Variants in BRAP observed in about 807,000 individuals in gnomAD.
BRAP encodes the protein BRCA1 associated protein, also known as BRCA1-associated protein.
Under a neutral mutation model 73.4 loss-of-function variants are expected in BRAP, and 42 were observed. The ratio of observed to expected loss-of-function variants is 0.57; its 90% CI spans 0.45 to 0.74. The LOEUF is 0.74. Ranked by LOEUF, BRAP falls within the 30% of genes least tolerant of loss-of-function variation. BRAP has a pLI of 0.00. For missense variants in BRAP, 593 were observed against 751.4 expected (o/e 0.79, Z 2.46); for synonymous variants, 255 against 267.4 (o/e 0.95, Z 0.45).
intron 5 of BRAP, among the ~76,000 whole-genome samples, chr12:111,671,926 T>G (rs577032572): frequency 2.7e-4 from 41 of 152,140 alleles, no homozygotes; most frequent in South Asian, 1.7e-3. Flanking sequence ...ACTCAAGCAA[T>G]CCATCACCTC....
intron 6 of BRAP, among the ~76,000 whole-genome samples, chr12:111,662,307 T>C (rs1170916510): frequency 1.3e-5 from 2 of 152,036 alleles, no homozygotes; most frequent in African/African-American, 4.8e-5. Flanking sequence ...TCCCAGCACT[T>C]TGGGAGACCT....
In BRAP at chr12:111,643,479, CATA is replaced by C. The variant is rs1885974663; in HGVS notation, c.*717_*719del. 6.6e-6 allele frequency: 1 copy of C among 152,160 alleles called. No individual in the cohort carries two copies. Among genetic ancestry groups the C allele is most frequent in the Non-Finnish European group, 1.5e-5 (1 of 68,030 alleles). The allele number at this position is 152,160 out of a possible 1,614,324, so 9.4% of individuals were successfully genotyped here. On this transcript the variant is annotated 3_prime_UTR_variant, in exon 12 of 12. Transcript: ENST00000419234. ...TTAAGCCTCCTCCTTAATTGCGGTTCATAATGATGTACGAAGTCACCAAAAATA... is the reference window on the plus strand; with the variant it reads ...TTAAGCCTCCTCCTTAATTGCGGTTCATGATGTACGAAGTCACCAAAAATA...
chr12:111,685,454 A>G, intron 1 of BRAP: 1 of 764,530 alleles, frequency 1.3e-6, no homozygotes, highest in Non-Finnish European at 1.8e-6. Flanking sequence ...GACTATCTCG[A>G]GAGGGAGACG....
rs1456106276 is a variant in BRAP at position 111,665,863 on chromosome 12, C to T, written c.748-76G>A. ...TTATTTTTCCTTCTTTTTTCTGAGA[C>T]AGGGTCTCGCTCTCTGTCACCCACG... On this transcript the variant is annotated intron_variant, in intron 5 of 11. Coordinates refer to ENST00000419234, the MANE Select transcript of BRAP (RefSeq NM_006768.5). This position sits in a 1 kb window ranked among gnomAD's most constrained non-coding sequence, Gnocchi z 4.3. The T allele has an allele frequency of 9.5e-6, 15 of 1,577,700 alleles. No individual in the cohort carries two copies. Among genetic ancestry groups the T allele is most frequent in the Non-Finnish European group, 1.1e-5 (13 of 1,156,092 alleles).
intron 5 of BRAP, among the ~76,000 whole-genome samples, chr12:111,669,589 C>A (rs1207520127): frequency 2.6e-5 from 4 of 152,042 alleles, no homozygotes; most frequent in Non-Finnish European, 5.9e-5. Flanking sequence ...AAAAAGGTAC[C>A]ATTTCTGATT....
intron 7 of BRAP, 152 bp downstream of exon 7, chr12:111,660,448 G>A (rs1404147492): frequency 2.9e-5 from 16 of 555,422 alleles, no homozygotes; most frequent in East Asian, 4.8e-5. Context: ...CCAGGAGTTC[G>A]AGACCAGCCT....
chr12:111,679,876 C>CA lies in BRAP; in HGVS notation c.444-537dup, dbSNP rs398044813. 1.4e-3 allele frequency among the ~76,000 whole-genome samples: 101 copies of CA among 72,000 alleles called. 1 individual carries two copies. Among genetic ancestry groups the CA allele is most frequent in the South Asian group, 2.6e-3 (5 of 1,928 alleles). 47.2% of individuals were successfully genotyped at this position (72,000 alleles called of 152,430 possible). On this transcript the variant is annotated intron_variant, in intron 3 of 11. Coordinates refer to ENST00000419234, the MANE Select transcript of BRAP (RefSeq NM_006768.5). ...TGGGCCACAGAGCAAGACTCCATCT[C>CA]AAAAAAAAAAAAAAAAAAAAAAATC...
In BRAP at chr12:111,642,973, T is replaced by TTATAAAGCAAAAAC. The variant is rs1292639687; in HGVS notation, c.*1212_*1225dup. 6.6e-6 allele frequency: 1 copy of TTATAAAGCAAAAAC among 152,222 alleles called. No individual in the cohort carries two copies. Among genetic ancestry groups the TTATAAAGCAAAAAC allele is most frequent in the Non-Finnish European group, 1.5e-5 (1 of 68,042 alleles). The allele number at this position is 152,222 out of a possible 1,614,324, so 9.4% of individuals were successfully genotyped here. A position where few individuals can be genotyped will look rare whatever the true frequency, so the allele number is the denominator to read the frequency against. On this transcript the variant is annotated 3_prime_UTR_variant, in exon 12 of 12. Coordinates refer to ENST00000419234, the MANE Select transcript of BRAP (RefSeq NM_006768.5). ...TGATCATTTGAAAACCTGTGGCTAA[T>TTATAAAGCAAAAAC]TATAAAGCAAAAACTAAAACCTGTT...
intron 10 of BRAP, among the ~76,000 whole-genome samples, chr12:111,654,579 G>T (rs1376907365): frequency 6.6e-6 from 1 of 152,180 alleles, no homozygotes; most frequent in African/African-American, 2.4e-5. Flanking sequence ...GCCTCCCAAA[G>T]TGCTGGGATT....
At chr12:111,668,637 A>G (rs1323029471) in intron 5 of BRAP, among the ~76,000 whole-genome samples, 1 of 151,984 alleles carries the variant, frequency 6.6e-6, no homozygotes, top group Non-Finnish European at 1.5e-5. Flanking sequence ...TTTACATTAA[A>G]AAGAATTCTT....
At chr12:111,659,368 A>C (rs1886654418) in intron 7 of BRAP, 23 bp from the exon 8 acceptor site, 1 of 1,599,042 alleles carries the variant, frequency 6.3e-7, no homozygotes, top group Non-Finnish European at 8.5e-7. Flanking sequence ...GTAAGATCTT[A>C]ATTAGTTAAA....
At chr12:111,648,929 A>G (rs1886218648) in intron 11 of BRAP, among the ~76,000 whole-genome samples, 1 of 151,844 alleles carries the variant, frequency 6.6e-6, no homozygotes, top group South Asian at 2.1e-4. Context: ...CCGTTTCAAG[A>G]AAAAAAAGAT....
chr12:111,681,288 T>G (rs1158390957), intron 3 of BRAP, among the ~76,000 whole-genome samples: 1 of 151,686 alleles, frequency 6.6e-6, no homozygotes, highest in African/African-American at 2.4e-5. Context: ...GAGAATCACT[T>G]GAACTCAGGA....
chr12:111,645,388 C>T (rs1469078120), intron 11 of BRAP, among the ~76,000 whole-genome samples: 2 of 151,972 alleles, frequency 1.3e-5, no homozygotes, highest in Non-Finnish European at 2.9e-5. Context: ...TTTTAAGACA[C>T]TTTTTTTTAA....
intron 10 of BRAP, among the ~76,000 whole-genome samples, chr12:111,652,514 C>T (rs1231184878): frequency 3.3e-5 from 5 of 152,162 alleles, no homozygotes; most frequent in African/African-American, 7.2e-5. Flanking sequence ...TTAGCCACTG[C>T]GCCTGGCCAG....
rs1242105357 is a variant in BRAP, at chr12:111,679,306, T to C, written c.478A>G (p.Ser160Gly). The C allele has an allele frequency of 1.3e-6, 2 of 1,574,462 alleles. No individual in the cohort carries two copies. The highest frequency in any genetic ancestry group is 1.7e-6 in the Non-Finnish European group (2 of 1,159,042). Reference sequence around the variant, plus strand: ...ACTGTGAGAATACACAGCATGGCACTGCGCCGCACATCTTCTTTTAAGGAG... The same window carrying C: ...ACTGTGAGAATACACAGCATGGCACCGCGCCGCACATCTTCTTTTAAGGAG... ...MTSLKEDVRR[S>G]AMLCILTVPA... The change falls in exon 4 of 12, where the codon AGT becomes GGT. Residue 160 changes from serine (S) to glycine (G), a missense_variant. By Grantham distance (56) the Ser-to-Gly change is moderately conservative. This residue lies in a region of BRAP where 304 missense variants were observed against 337.7 expected (regional missense o/e 0.90). Transcript: ENST00000419234.
At chr12:111,658,885 A>G (rs1886635416) in intron 8 of BRAP, 40 bp from the exon 9 acceptor site, 1 of 1,504,428 alleles carries the variant, frequency 6.6e-7, no homozygotes, top group African/African-American at 1.4e-5. Context: ...CTTTAGAATG[A>G]AAAGGGTCTC....
At chr12:111,677,970 AGGCC>A (rs756751454) in intron 4 of BRAP, among the ~76,000 whole-genome samples, 68 of 152,158 alleles carry the variant, frequency 4.5e-4, no homozygotes, top group Non-Finnish European at 8.5e-4. Context: ...AAAGAGAATG[AGGCC>A]GGGTGCAGTC....
chr12:111,660,113 A>G (rs1886690880), intron 7 of BRAP, among the ~76,000 whole-genome samples: 1 of 151,940 alleles, frequency 6.6e-6, no homozygotes, highest in South Asian at 2.1e-4. Flanking sequence ...CTGTTTCTAC[A>G]GGAGCCTGAG....
Sources: allele counts gnomAD v4.1 joint callset (sites outside exome capture counted in the v4.1 genomes callset), GRCh38; gene constraint gnomAD v4.1.1; regional missense constraint gnomAD v4.1.1; non-coding constraint Gnocchi (gnomAD v3.1); transcripts MANE v1.5; gene names NCBI Gene and HGNC (gene_info 2026-07-23, HGNC 2026-07-21).